The following ACADSB variants were observed in gnomAD, a reference collection of about 807,000 sequenced individuals.
ACADSB encodes acyl-CoA dehydrogenase short/branched chain.
In ACADSB, 40 loss-of-function variants were observed where a neutral mutation model predicts 54.1. The ratio of observed to expected loss-of-function variants is 0.74; its 90% CI spans 0.57 to 0.96. The LOEUF is 0.96. Ranked by LOEUF, ACADSB falls within the 40% of genes least tolerant of loss-of-function variation. The pLI is 0.00. For missense variants in ACADSB, 530 were observed against 510.4 expected, an observed-to-expected ratio of 1.04 and a Z score of -0.37; for synonymous variants, 182 against 182.8, an observed-to-expected ratio of 1.00 and a Z score of 0.03.
At chr10:123,010,003 C>G (rs139373847) in intron 1 of ACADSB, among the ~76,000 whole-genome samples, 2,563 of 152,324 alleles carry the variant, frequency 0.017, 76 homozygotes, top group African/African-American at 0.058. Flanking sequence ...AACTCTGACC[C>G]TTTTTCTTAT....
At chr10:123,048,471 T>C (rs780190149) in intron 8 of ACADSB, among the ~76,000 whole-genome samples, 1 of 152,106 alleles carries the variant, frequency 6.6e-6, no homozygotes, top group Non-Finnish European at 1.5e-5. Context: ...TTCATTATAC[T>C]AGAGTACTTT....
chr10:123,030,955 C>G (rs970761182), intron 1 of ACADSB, among the ~76,000 whole-genome samples: 1 of 152,014 alleles, frequency 6.6e-6, no homozygotes, highest in African/African-American at 2.4e-5. Flanking sequence ...ATTTTTTTCC[C>G]CAAAGACGCT....
intron 1 of ACADSB, among the ~76,000 whole-genome samples, chr10:123,026,006 T>C (rs1850246046): frequency 6.6e-6 from 1 of 151,040 alleles, no homozygotes; most frequent in African/African-American, 2.4e-5. Flanking sequence ...TGGGGGGAGG[T>C]TGCAGTGAGC....
intron 1 of ACADSB, among the ~76,000 whole-genome samples, chr10:123,030,402 C>T (rs1850309475): frequency 6.6e-6 from 1 of 151,800 alleles, no homozygotes. Flanking sequence ...TGGCGCACAC[C>T]TGTAATCCTA....
chr10:123,027,899 A>G (rs1850276244), intron 1 of ACADSB, among the ~76,000 whole-genome samples: 1 of 152,172 alleles, frequency 6.6e-6, no homozygotes, highest in Admixed American at 6.5e-5. Context: ...TGATCCTGCA[A>G]TGAGTTGATG....
intron 8 of ACADSB, among the ~76,000 whole-genome samples, chr10:123,048,989 T>A (rs1445292101): frequency 6.6e-6 from 1 of 152,206 alleles, no homozygotes; most frequent in African/African-American, 2.4e-5. Context: ...GTGCTGGGAT[T>A]ACAGGCGTGA....
At chr10:123,020,443 G>A (rs1850169370) in intron 1 of ACADSB, among the ~76,000 whole-genome samples, 1 of 152,188 alleles carries the variant, frequency 6.6e-6, no homozygotes, top group Non-Finnish European at 1.5e-5. Flanking sequence ...CAAATGGGTC[G>A]CTGCACCATG....
intron 1 of ACADSB, among the ~76,000 whole-genome samples, chr10:123,016,184 A>G (rs987937278): frequency 2.6e-5 from 4 of 152,254 alleles, no homozygotes; most frequent in African/African-American, 9.6e-5. Flanking sequence ...GACCAGTGCT[A>G]AAGCTATGGT....
chr10:123,011,141 G>C (rs1431018713), intron 1 of ACADSB, among the ~76,000 whole-genome samples: 5 of 152,240 alleles, frequency 3.3e-5, no homozygotes, highest in Non-Finnish European at 4.4e-5. Context: ...GTGGCATGGA[G>C]TGGGGAGAAA....
At chr10:123,045,943 G>C (rs1450300256) in intron 7 of ACADSB, among the ~76,000 whole-genome samples, 2 of 152,148 alleles carry the variant, frequency 1.3e-5, no homozygotes, top group Non-Finnish European at 2.9e-5. Context: ...TGAACTGAAG[G>C]CATCTGTCCT....
At chr10:123,051,530 C>T (rs1253875926) in intron 9 of ACADSB, among the ~76,000 whole-genome samples, 1 of 152,156 alleles carries the variant, frequency 6.6e-6, no homozygotes, top group Non-Finnish European at 1.5e-5. Flanking sequence ...CATGGCTGAG[C>T]CTCCTCTGAA....
chr10:123,040,773 A>G (rs1284977457), intron 4 of ACADSB, 101 bp downstream of exon 4: 2 of 1,080,930 alleles, frequency 1.9e-6, no homozygotes, highest in African/African-American at 3.1e-5. Flanking sequence ...ACTATCCAAG[A>G]CCACAATGCG....
At chr10:123,051,336 A>G (rs1850630999) in intron 9 of ACADSB, 150 bp downstream of exon 9, 1 of 1,128,364 alleles carries the variant, frequency 8.9e-7, no homozygotes, top group Non-Finnish European at 1.2e-6. Flanking sequence ...TTCTTATAAT[A>G]GAAAAGCAAA....
At chr10:123,053,559 A>G in intron 10 of ACADSB, 136 bp from the exon 11 acceptor site, 1 of 795,348 alleles carries the variant, frequency 1.3e-6, no homozygotes, top group Non-Finnish European at 2.2e-6. Flanking sequence ...GTGAAATAGT[A>G]CCATATTCAG....
chr10:123,040,501 C>CA lies in ACADSB; in HGVS notation c.340dup (p.Thr114AsnfsTer19), dbSNP rs1850457006. ...TTGAAGTTGACCCAGAATATGGAGG[C>CA]ACAGGAGCTTCATTTTTATCCACTG... is the stretch of plus-strand genomic sequence containing the variant. On this transcript the variant is annotated frameshift_variant, in exon 4 of 11. Transcript: ENST00000358776. LOFTEE classifies it high-confidence loss of function. The CA allele has an allele frequency of 6.2e-7, 1 of 1,614,030 alleles. No individual in the cohort carries two copies. The highest frequency in any genetic ancestry group is 8.5e-7 in the Non-Finnish European group (1 of 1,180,016).
At position 123,055,788 on chromosome 10, in the gene ACADSB, A is replaced by C. The variant is rs1487487234; in HGVS notation, c.*2023A>C. On this transcript the variant is annotated 3_prime_UTR_variant, in exon 11 of 11. Coordinates refer to ENST00000358776, the MANE Select transcript of ACADSB (RefSeq NM_001609.4). ...AGTCCAAAATTCAGCAGGGCAGTCA[A>C]ATTTTAAACCTCCAAAATGATCACC... 6.6e-6 allele frequency: 1 copy of C among 152,204 alleles called. No individual in the cohort carries two copies. Among genetic ancestry groups the C allele is most frequent in the Non-Finnish European group, 1.5e-5 (1 of 68,042 alleles). The allele number at this position is 152,204 out of a possible 1,614,324, so 9.4% of individuals were successfully genotyped here. A position where few individuals can be genotyped will look rare whatever the true frequency, so the allele number is the denominator to read the frequency against.
At chr10:123,013,637 C>T (rs943892358) in intron 1 of ACADSB, among the ~76,000 whole-genome samples, 59 of 152,352 alleles carry the variant, frequency 3.9e-4, no homozygotes, top group African/African-American at 8.9e-4. Flanking sequence ...CTGCAGGTCC[C>T]GGGGCCTGCC....
At chr10:123,022,403 T>C (rs1850194895) in intron 1 of ACADSB, among the ~76,000 whole-genome samples, 1 of 152,226 alleles carries the variant, frequency 6.6e-6, no homozygotes, top group Admixed American at 6.5e-5. Flanking sequence ...CAATCTCCAC[T>C]GCCCCTCCCA....
Position 123,057,405 on chromosome 10 carries a change from A to G in ACADSB, c.*3640A>G, listed in dbSNP as rs534808052. The G allele has an allele frequency of 9.8e-5, 15 of 152,306 alleles. No individual in the cohort carries two copies. The highest frequency in any genetic ancestry group is 3.4e-4 in the African/African-American group (14 of 41,570). The allele number at this position is 152,306 out of a possible 1,614,324, so 9.4% of individuals were successfully genotyped here. On this transcript the variant is annotated 3_prime_UTR_variant, in exon 11 of 11. Coordinates refer to ENST00000358776, the MANE Select transcript of ACADSB (RefSeq NM_001609.4). ...GTGTTATTTTGTCATTTTTCCAAAG[A>G]GAGTGTTGTAGGTTTTCCCTGTAGT...
Sources: gnomAD v4.1 joint callset for allele counts (sites outside exome capture counted in the v4.1 genomes callset) on GRCh38, gnomAD v4.1.1 for gene constraint, MANE v1.5 for transcripts, NCBI Gene and HGNC (gene_info 2026-07-23, HGNC 2026-07-21) for gene names.